LASP1: variants seen among roughly 807,000 people sequenced by gnomAD.
LASP1 encodes LIM and SH3 protein 1.
Under a neutral mutation model 38.6 loss-of-function variants are expected in LASP1, and 10 were observed. The ratio of observed to expected loss-of-function variants is 0.26; its 90% CI spans 0.16 to 0.44. The LOEUF (loss-of-function observed/expected upper bound fraction) is 0.44. Ranked by LOEUF, LASP1 falls within the 20% of genes least tolerant of loss-of-function variation. LASP1 has a pLI of 1.00. For synonymous variants in LASP1, 132 were observed against 140.8 expected (o/e 0.94, Z 0.44); for missense variants, 243 against 375.7 (o/e 0.65, Z 2.92).
chr17:38,898,079 T>G (rs1285736680), intron 3 of LASP1, among the ~76,000 whole-genome samples: 2 of 152,202 alleles, frequency 1.3e-5, no homozygotes, highest in Non-Finnish European at 2.9e-5. Flanking sequence ...GCAGGGGACT[T>G]TGCCTTTCTG....
intron 3 of LASP1, among the ~76,000 whole-genome samples, chr17:38,893,099 C>T (rs1167020739): frequency 6.6e-6 from 1 of 152,260 alleles, no homozygotes; most frequent in East Asian, 1.9e-4. Flanking sequence ...CTTATTATCC[C>T]CATCATACAG....
At chr17:38,898,139 A>G (rs1914539816) in intron 3 of LASP1, among the ~76,000 whole-genome samples, 1 of 152,156 alleles carries the variant, frequency 6.6e-6, no homozygotes, top group African/African-American at 2.4e-5. Flanking sequence ...GCGTGGCTAT[A>G]TGTATGGTGG....
chr17:38,889,203 T>C (rs1229213774), intron 2 of LASP1, among the ~76,000 whole-genome samples: 1 of 152,236 alleles, frequency 6.6e-6, no homozygotes, highest in Admixed American at 6.5e-5. Context: ...GGATCTTGGC[T>C]CAGTGCAACC....
At chr17:38,892,588 A>ACACACACACACC (rs555480021) in intron 3 of LASP1, among the ~76,000 whole-genome samples, 9 of 147,166 alleles carry the variant, frequency 6.1e-5, no homozygotes. Context: ...ACACACACAC[A>ACACACACACACC]CACCCTTCTC....
At chr17:38,886,714 G>A (rs1914151217) in intron 2 of LASP1, among the ~76,000 whole-genome samples, 1 of 151,922 alleles carries the variant, frequency 6.6e-6, no homozygotes, top group Non-Finnish European at 1.5e-5. Flanking sequence ...GGGGTGTGTG[G>A]ACATGGCCTC....
intron 4 of LASP1, among the ~76,000 whole-genome samples, chr17:38,902,371 GC>G (rs1443089124): frequency 8.0e-6 from 1 of 125,330 alleles, no homozygotes; most frequent in Non-Finnish European, 1.7e-5. Context: ...TCCCAGGGGA[GC>G]TTTTTTTTTT....
At chr17:38,899,747 C>CTTTT (rs34397105) in intron 4 of LASP1, among the ~76,000 whole-genome samples, 1 of 136,132 alleles carries the variant, frequency 7.3e-6, no homozygotes. Flanking sequence ...GCGTTCAGAT[C>CTTTT]TTTTTTTTTT....
intron 3 of LASP1, among the ~76,000 whole-genome samples, chr17:38,891,162 C>T (rs999091478): frequency 6.8e-5 from 9 of 132,164 alleles, no homozygotes; most frequent in Non-Finnish European, 1.1e-4. Flanking sequence ...CCTGGGGGTG[C>T]GAGGGCTCCT....
rs1340036945 is a variant in LASP1 at position 38,919,587 on chromosome 17, T to C, written c.*809T>C. The C allele has an allele frequency of 3.9e-6, 1 of 257,898 alleles. No individual in the cohort carries two copies. The highest frequency in any genetic ancestry group is 7.6e-6 in the Non-Finnish European group (1 of 131,356). The allele number at this position is 257,898 out of a possible 1,614,324, so 16.0% of individuals were successfully genotyped here. Reference sequence around the variant, plus strand: ...GCCCACCCCCAGTCTCCAGGGACCCTTGCCTGCCTCCTAGGCTGGAAGCCA... The same window carrying C: ...GCCCACCCCCAGTCTCCAGGGACCCCTGCCTGCCTCCTAGGCTGGAAGCCA... On this transcript the variant is annotated 3_prime_UTR_variant, in exon 7 of 7. Transcript: ENST00000318008.
At chr17:38,897,746 T>A (rs1480766344) in intron 3 of LASP1, among the ~76,000 whole-genome samples, 1 of 152,172 alleles carries the variant, frequency 6.6e-6, no homozygotes, top group Non-Finnish European at 1.5e-5. Flanking sequence ...CCCGGCAGGC[T>A]CCCAGAATCC....
At chr17:38,899,762 T>TTTTTTTTTTTTG (rs1598114923) in intron 4 of LASP1, among the ~76,000 whole-genome samples, 1 of 147,810 alleles carries the variant, frequency 6.8e-6, no homozygotes, top group East Asian at 1.9e-4. Flanking sequence ...TTTTTTTTTT[T>TTTTTTTTTTTTG]GAGACAGAGT....
At chr17:38,905,090 G>T (rs1914739772) in intron 4 of LASP1, among the ~76,000 whole-genome samples, 2 of 152,094 alleles carry the variant, frequency 1.3e-5, no homozygotes, top group Admixed American at 6.6e-5. Context: ...CTTTTTCATT[G>T]CTATATAGTA....
chr17:38,894,114 C>A (rs116190387), intron 3 of LASP1, among the ~76,000 whole-genome samples: 2,321 of 129,870 alleles, frequency 0.018, 74 homozygotes, highest in African/African-American at 0.063. Context: ...CCTGCCCAGG[C>A]CTGGCTGAGG....
At chr17:38,898,322 T>G (rs529194988) in intron 3 of LASP1, 90 bp from the exon 4 acceptor site, 1 of 739,572 alleles carries the variant, frequency 1.4e-6, no homozygotes, top group East Asian at 2.7e-5. Context: ...TGTCCCTGTC[T>G]CCTGACTGGT....
chr17:38,910,733 C>CTTTTTTTTTTTT lies in LASP1; in HGVS notation c.358-3584_358-3583insTTTTTTTTTTTT, dbSNP rs10526728. 1.0e-4 allele frequency among the ~76,000 whole-genome samples: 14 copies of CTTTTTTTTTTTT among 135,482 alleles called. 3 individuals are homozygous for CTTTTTTTTTTTT. The highest frequency in any genetic ancestry group is 6.4e-4 in the East Asian group (3 of 4,706). 88.9% of individuals were successfully genotyped at this position (135,482 alleles called of 152,430 possible). ...TCAGACACAGGTAGTCTGGAGTCCA[C>CTTTTTTTTTTTT]TTTTTTTTAAACAGAGTCTCAGTCT... is the stretch of plus-strand genomic sequence containing the variant. On this transcript the variant is annotated intron_variant, in intron 4 of 6. Coordinates refer to ENST00000318008, the MANE Select transcript of LASP1 (RefSeq NM_006148.4).
At chr17:38,877,999 C>G (rs2143733917) in intron 1 of LASP1, 87 bp from the exon 2 acceptor site, 1 of 941,386 alleles carries the variant, frequency 1.1e-6, no homozygotes, top group Non-Finnish European at 1.7e-6. Context: ...ACAGTCCCAG[C>G]AGCTCCTGAG....
chr17:38,899,416 T>A (rs2143792073), intron 4 of LASP1, among the ~76,000 whole-genome samples: 1 of 152,280 alleles, frequency 6.6e-6, no homozygotes, highest in East Asian at 1.9e-4. Flanking sequence ...GGAGCCTGGC[T>A]TTCCGGTGGT....
intron 3 of LASP1, 85 bp downstream of exon 3, chr17:38,890,589 T>A: frequency 2.5e-6 from 3 of 1,199,976 alleles, no homozygotes; most frequent in Admixed American, 3.4e-5. Flanking sequence ...AAGAGTACCT[T>A]CCCCTGCGGT....
rs893474961 is a variant in LASP1 at position 38,921,184 on chromosome 17, G to GGGGCT, written c.*2423_*2427dup. 24 of 229,816 alleles carry GGGGCT rather than the reference G, an allele frequency of 1.0e-4. No homozygotes were observed. The highest frequency in any genetic ancestry group is 2.8e-4 in the Admixed American group (5 of 17,650). 14.2% of individuals were successfully genotyped at this position (229,816 alleles called of 1,614,324 possible). ...TCCCTAGAAGAGCACAGAGCCCTGA[G>GGGGCT]GGGCTGGGCTGGGCTGGGCTGAGCC... On this transcript the variant is annotated 3_prime_UTR_variant, in exon 7 of 7. Coordinates refer to ENST00000318008, the MANE Select transcript of LASP1 (RefSeq NM_006148.4).
Sources: allele counts gnomAD v4.1 joint callset (sites outside exome capture counted in the v4.1 genomes callset), GRCh38; gene constraint gnomAD v4.1.1; transcripts MANE v1.5; gene names NCBI Gene and HGNC (gene_info 2026-07-23, HGNC 2026-07-21).